The following CADM2 variants were observed in gnomAD, a reference collection of about 807,000 sequenced individuals.
CADM2 encodes the protein cell adhesion molecule 2, also known as immunoglobulin superfamily member 4D.
In CADM2, 12 loss-of-function variants were observed where a neutral mutation model predicts 49.8. That is an observed-to-expected ratio of 0.24 (90% CI 0.15 to 0.39). The LOEUF (loss-of-function observed/expected upper bound fraction) is 0.39, where lower values mean the gene tolerates loss of function less well. Ranked by LOEUF, CADM2 falls within the 10% of genes least tolerant of loss-of-function variation. CADM2 has a pLI of 1.00. For synonymous variants in CADM2, 214 were observed against 175.4 expected, an observed-to-expected ratio of 1.22 and a Z score of -1.74; for missense variants, 378 against 492.3, an observed-to-expected ratio of 0.77 and a Z score of 2.20.
At chr3:85,345,108 G>A (rs967415548) in intron 1 of CADM2, among the ~76,000 whole-genome samples, 5 of 151,910 alleles carry the variant, frequency 3.3e-5, no homozygotes, top group African/African-American at 1.2e-4. Flanking sequence ...CTGAGGTCAG[G>A]AGTTCGAGAG....
intron 1 of CADM2, among the ~76,000 whole-genome samples, chr3:85,090,876 C>T (rs116247083): frequency 1.2e-3 from 179 of 152,290 alleles, no homozygotes; most frequent in African/African-American, 4.1e-3. Flanking sequence ...CAAAACCATC[C>T]TCACCCAGCC....
At chr3:86,022,020 A>G (rs1042781998) in intron 8 of CADM2, among the ~76,000 whole-genome samples, 15 of 152,160 alleles carry the variant, frequency 9.9e-5, no homozygotes, top group Non-Finnish European at 1.8e-4. Flanking sequence ...AAATAATGCA[A>G]AGTGTTCATT....
At chr3:85,224,030 T>C (rs2042097331) in intron 1 of CADM2, among the ~76,000 whole-genome samples, 1 of 152,180 alleles carries the variant, frequency 6.6e-6, no homozygotes, top group Non-Finnish European at 1.5e-5. Context: ...TGGCTCCAAG[T>C]CTTTGCTATT....
chr3:85,209,462 C>T (rs2041725073), intron 1 of CADM2, among the ~76,000 whole-genome samples: 1 of 152,054 alleles, frequency 6.6e-6, no homozygotes, highest in Admixed American at 6.6e-5. Context: ...CAAGCCTTTT[C>T]CATTTATGTA....
At chr3:85,359,666 A>ATATATATATATTTTTTTTTT in intron 1 of CADM2, among the ~76,000 whole-genome samples, 47 of 26,526 alleles carry the variant, frequency 1.8e-3, no homozygotes, top group African/African-American at 4.6e-3. Flanking sequence ...ATATATATAT[A>ATATATATATATTTTTTTTTT]TTTTTTTTTT....
chr3:85,107,705 T>TC (rs1400832800), intron 1 of CADM2, among the ~76,000 whole-genome samples: 1 of 110,580 alleles, frequency 9.0e-6, no homozygotes, highest in African/African-American at 2.7e-5. Context: ...TTCTCTTTCT[T>TC]TTTTTTTTTT....
intron 8 of CADM2, among the ~76,000 whole-genome samples, chr3:86,063,290 A>G (rs1157118579): frequency 6.6e-6 from 1 of 152,218 alleles, no homozygotes; most frequent in East Asian, 1.9e-4. Context: ...AATACACATG[A>G]TAGAGGAGAA....
intron 1 of CADM2, among the ~76,000 whole-genome samples, chr3:85,419,870 A>G (rs1245014890): frequency 6.6e-6 from 1 of 152,148 alleles, no homozygotes; most frequent in East Asian, 1.9e-4. Flanking sequence ...AGTTTTTTCA[A>G]AGCCAGATTT....
At chr3:85,407,322 C>G (rs144501746) in intron 1 of CADM2, among the ~76,000 whole-genome samples, 1 of 152,196 alleles carries the variant, frequency 6.6e-6, no homozygotes, top group Admixed American at 6.5e-5. Flanking sequence ...TTGGCACCCT[C>G]CTGTCCTTAC....
At chr3:85,528,201 A>G (rs1340295337) in intron 1 of CADM2, among the ~76,000 whole-genome samples, 1 of 152,050 alleles carries the variant, frequency 6.6e-6, no homozygotes, top group Non-Finnish European at 1.5e-5. Flanking sequence ...TGTTGTCATT[A>G]TCACAGACAT....
At chr3:85,718,047 G>A (rs1325149279) in intron 1 of CADM2, among the ~76,000 whole-genome samples, 1 of 152,182 alleles carries the variant, frequency 6.6e-6, no homozygotes, top group Non-Finnish European at 1.5e-5. Flanking sequence ...TGGGATTACA[G>A]GCTTAAGCCA....
Position 86,060,827 on chromosome 3 carries a change from C to T in CADM2, c.971-4778C>T, listed in dbSNP as rs545053593. On this transcript the variant is annotated intron_variant, in intron 8 of 9. Transcript: ENST00000383699. ...TGAAACCTCATCTCTACTGAAAATA[C>T]AGAAATTAGCCGGGCGTGGTGGTGC... Among the ~76,000 whole-genome samples, 21 of 152,046 alleles carry T rather than the reference C, an allele frequency of 1.4e-4. No individual in the cohort carries two copies. The South Asian group carries it at 4.1e-3, about 30-fold the overall frequency.
rs141435531 is a variant in CADM2 at position 85,649,711 on chromosome 3, T to C, written c.62-76811T>C. Reference sequence around the variant, plus strand: ...CAAAGGAGACCGTGATTCTGCAGTCTTGAGTTCAGCCATTGGTGTAACTTA... The same window carrying C: ...CAAAGGAGACCGTGATTCTGCAGTCCTGAGTTCAGCCATTGGTGTAACTTA... On this transcript the variant is annotated intron_variant, in intron 1 of 9. Coordinates refer to ENST00000383699, the MANE Select transcript of CADM2 (RefSeq NM_001167675.2). Among the ~76,000 whole-genome samples the C allele has an allele frequency of 3.0e-3, 464 of 152,332 alleles. 4 individuals are homozygous for C. Among genetic ancestry groups the C allele is most frequent in the African/African-American group, 0.011 (451 of 41,592 alleles).
intron 1 of CADM2, among the ~76,000 whole-genome samples, chr3:85,227,857 C>T (rs1374555053): frequency 6.6e-6 from 1 of 152,126 alleles, no homozygotes; most frequent in Admixed American, 6.5e-5. Flanking sequence ...TCAGGATTTG[C>T]TTGTCTGTAA....
intron 1 of CADM2, among the ~76,000 whole-genome samples, chr3:85,179,445 CT>C (rs1241074796): frequency 2.6e-5 from 4 of 151,342 alleles, no homozygotes; most frequent in East Asian, 3.9e-4. Context: ...TTGGTTTTTG[CT>C]TTTTTTTGGT....
At chr3:85,906,113 T>A (rs369890665) in intron 5 of CADM2, among the ~76,000 whole-genome samples, 1 of 152,198 alleles carries the variant, frequency 6.6e-6, no homozygotes, top group African/African-American at 2.4e-5. Context: ...CCTTAAAGTT[T>A]ATTCTACTGA....
intron 5 of CADM2, among the ~76,000 whole-genome samples, chr3:85,897,610 T>C (rs1457345416): frequency 3.3e-5 from 5 of 152,084 alleles, no homozygotes; most frequent in African/African-American, 1.2e-4. Context: ...TATAACTCGA[T>C]TTTTTTATTT....
chr3:85,551,150 A>AT (rs149440069), intron 1 of CADM2, among the ~76,000 whole-genome samples: 3,891 of 151,968 alleles, frequency 0.026, 178 homozygotes, highest in East Asian at 0.16. Context: ...TGCTCAGTTG[A>AT]TTTTTTATTT....
intron 1 of CADM2, among the ~76,000 whole-genome samples, chr3:85,078,235 A>G (rs1317371570): frequency 6.6e-6 from 1 of 151,976 alleles, no homozygotes; most frequent in East Asian, 1.9e-4. Flanking sequence ...CTGCAGAAAG[A>G]GAAAGAACAG....
Sources: gnomAD v4.1 joint callset for allele counts (sites outside exome capture counted in the v4.1 genomes callset) on GRCh38, gnomAD v4.1.1 for gene constraint, MANE v1.5 for transcripts, NCBI Gene and HGNC (gene_info 2026-07-23, HGNC 2026-07-21) for gene names.